Variants in PLCB1 observed in about 807,000 individuals in gnomAD.
PLCB1 encodes the protein 1-phosphatidylinositol 4,5-bisphosphate phosphodiesterase beta-1.
PLCB1 carries 46 observed loss-of-function variants against 161.8 expected under a neutral mutation model. That is an observed-to-expected ratio of 0.28 (90% confidence interval 0.22 to 0.36). The LOEUF (loss-of-function observed/expected upper bound fraction) is 0.36, where lower values mean the gene tolerates loss of function less well. Among genes scored for constraint, PLCB1 ranks in the 10% least tolerant of loss-of-function variants. The probability of loss-of-function intolerance (pLI) is 1.00; values close to 1 mark genes in which losing one functional copy is unlikely to be tolerated. For synonymous variants in PLCB1, 517 were observed against 503.7 expected (o/e 1.03, Z -0.35); for missense variants, 1,016 against 1,472.5 (o/e 0.69, Z 5.07).
intron 2 of PLCB1, among the ~76,000 whole-genome samples, chr20:8,333,510 A>G (rs1985450165): frequency 6.6e-6 from 1 of 152,126 alleles, no homozygotes; most frequent in South Asian, 2.1e-4. Flanking sequence ...TATTGTCCTT[A>G]TCTCCAAGGA....
At chr20:8,257,472 T>G (rs1178152443) in intron 2 of PLCB1, among the ~76,000 whole-genome samples, 1 of 152,204 alleles carries the variant, frequency 6.6e-6, no homozygotes, top group Non-Finnish European at 1.5e-5. Context: ...ATGAGAGAGA[T>G]AATATTACAA....
At chr20:8,386,991 G>A (rs1987442654) in intron 3 of PLCB1, among the ~76,000 whole-genome samples, 1 of 152,176 alleles carries the variant, frequency 6.6e-6, no homozygotes, top group Admixed American at 6.5e-5. Flanking sequence ...CCTTGCTGTG[G>A]GTTAGATTTT....
intron 25 of PLCB1, among the ~76,000 whole-genome samples, chr20:8,762,125 G>A (rs555746257): frequency 1.8e-4 from 27 of 152,152 alleles, no homozygotes; most frequent in African/African-American, 6.0e-4. Flanking sequence ...CAGGAAATTC[G>A]CTTGAACCCA....
intron 3 of PLCB1, among the ~76,000 whole-genome samples, chr20:8,610,385 T>C (rs573753065): frequency 5.9e-5 from 9 of 152,334 alleles, no homozygotes; most frequent in Admixed American, 3.3e-4. Context: ...CATTCATCAG[T>C]TGATAGACAT....
rs1467805919 is a variant in PLCB1, at chr20:8,790,312, A to G, written c.3423+51A>G. On this transcript the variant is annotated intron_variant, in intron 31 of 31. Transcript: ENST00000338037. The stretch of plus-strand genomic sequence containing the variant: ...CAATTATTTTATTTGATTTCCATTT[A>G]GTAAGAGTAAAACCTTCCTGGTTTA... 3 of 1,424,710 alleles carry G rather than the reference A, an allele frequency of 2.1e-6. No individual in the cohort carries two copies. The African/African-American group carries it at 4.3e-5, about 20-fold the overall frequency. The allele number at this position is 1,424,710 out of a possible 1,614,324, so 88.3% of individuals were successfully genotyped here.
At chr20:8,489,556 AT>A (rs1429658619) in intron 3 of PLCB1, among the ~76,000 whole-genome samples, 9 of 151,994 alleles carry the variant, frequency 5.9e-5, no homozygotes, top group African/African-American at 2.2e-4. Context: ...GGTATCTTTC[AT>A]TTAGTAGATT....
At chr20:8,830,502 T>C (rs1985930097) in intron 31 of PLCB1, among the ~76,000 whole-genome samples, 1 of 152,212 alleles carries the variant, frequency 6.6e-6, no homozygotes. Flanking sequence ...ATTCTGCTTT[T>C]ATGTCCCTGA....
At chr20:8,698,644 A>G (rs1449557997) in intron 11 of PLCB1, among the ~76,000 whole-genome samples, 3 of 152,132 alleles carry the variant, frequency 2.0e-5, no homozygotes, top group Non-Finnish European at 4.4e-5. Context: ...AGGGAGCTGG[A>G]GTGTCTCAGT....
At chr20:8,874,252 A>ACACACG (rs71331341) in intron 31 of PLCB1, among the ~76,000 whole-genome samples, 4 of 75,310 alleles carry the variant, frequency 5.3e-5, no homozygotes, top group African/African-American at 1.4e-4. Context: ...ACACACACAC[A>ACACACG]CACGCACAAC....
chr20:8,532,440 C>T (rs1984852186), intron 3 of PLCB1, among the ~76,000 whole-genome samples: 1 of 152,176 alleles, frequency 6.6e-6, no homozygotes, highest in African/African-American at 2.4e-5. Flanking sequence ...CCAAACTTCC[C>T]AGGGAGTTGC....
intron 26 of PLCB1, among the ~76,000 whole-genome samples, chr20:8,765,888 C>T (rs1982289856): frequency 6.6e-6 from 1 of 152,206 alleles, no homozygotes; most frequent in African/African-American, 2.4e-5. Flanking sequence ...CCAGGTTGCC[C>T]AGCTGGTCTT....
intron 9 of PLCB1, among the ~76,000 whole-genome samples, chr20:8,672,584 A>G (rs745516845): frequency 6.6e-6 from 1 of 152,058 alleles, no homozygotes; most frequent in Non-Finnish European, 1.5e-5. Context: ...CCATCCAGAT[A>G]TGCATACCGA....
Position 8,512,663 on chromosome 20 carries a change from G to A in PLCB1, c.247-115631G>A, listed in dbSNP as rs1382649774. ...AATTTTACCCCATATTGTACATTGG[G>A]TACAATCTGTACCCTCATAATACAA... On this transcript the variant is annotated intron_variant, in intron 3 of 31. Coordinates refer to ENST00000338037, the MANE Select transcript of PLCB1 (RefSeq NM_015192.4). Among the ~76,000 whole-genome samples the A allele has an allele frequency of 3.3e-5, 5 of 151,886 alleles. No individual in the cohort carries two copies. In the South Asian group the frequency reaches 8.3e-4, roughly 25 times the overall value.
chr20:8,686,869 T>C (rs1292921090), intron 10 of PLCB1, among the ~76,000 whole-genome samples: 1 of 152,206 alleles, frequency 6.6e-6, no homozygotes, highest in Non-Finnish European at 1.5e-5. Context: ...TGGTTCTTTT[T>C]GATGGGAAAG....
chr20:8,179,957 C>T (rs1193601138), intron 2 of PLCB1, among the ~76,000 whole-genome samples: 2 of 143,102 alleles, frequency 1.4e-5, no homozygotes, highest in Non-Finnish European at 1.5e-5. Context: ...CTCCCGGGTT[C>T]GCACCATTCT....
chr20:8,678,356 A>C (rs1990137064), intron 9 of PLCB1, among the ~76,000 whole-genome samples: 1 of 152,216 alleles, frequency 6.6e-6, no homozygotes, highest in Non-Finnish European at 1.5e-5. Flanking sequence ...AAAGAGCAAT[A>C]TTCTCATCTT....
At chr20:8,150,450 A>G (rs2051498464) in intron 2 of PLCB1, 79 bp downstream of exon 2, 5 of 579,062 alleles carry the variant, frequency 8.6e-6, no homozygotes, top group Non-Finnish European at 9.2e-6. Flanking sequence ...TTATCTATAG[A>G]AGAACATCCA....
At chr20:8,498,670 C>G (rs1403777313) in intron 3 of PLCB1, among the ~76,000 whole-genome samples, 1 of 152,158 alleles carries the variant, frequency 6.6e-6, no homozygotes, top group East Asian at 1.9e-4. Context: ...AGTGAGTTAG[C>G]TTTTGTTGCA....
chr20:8,509,740 AG>A (rs1983793465), intron 3 of PLCB1, among the ~76,000 whole-genome samples: 2 of 93,616 alleles, frequency 2.1e-5, no homozygotes, highest in Non-Finnish European at 4.7e-5. Flanking sequence ...ATAGATAGAT[AG>A]ATAGATAGAT....
Sources: gnomAD v4.1 joint callset for allele counts (sites outside exome capture counted in the v4.1 genomes callset) on GRCh38, gnomAD v4.1.1 for gene constraint, MANE v1.5 for transcripts, NCBI Gene and HGNC (gene_info 2026-07-23, HGNC 2026-07-21) for gene names.